The following SCTR variants were observed in gnomAD, a reference collection of about 807,000 sequenced individuals.
SCTR encodes secretin receptor, also known as pancreatic secretin receptor.
In SCTR, 56 loss-of-function variants were observed where a neutral mutation model predicts 60.8. The ratio of observed to expected loss-of-function variants is 0.92; its 90% confidence interval spans 0.74 to 1.15. SCTR has a LOEUF of 1.15. Among genes scored for constraint, SCTR ranks in the 50% most tolerant of loss-of-function variants. The pLI is 0.00. For synonymous variants in SCTR, 202 were observed against 217.0 expected, an observed-to-expected ratio of 0.93 and a Z score of 0.61; for missense variants, 562 against 550.4, an observed-to-expected ratio of 1.02 and a Z score of -0.21.
chr2:119,460,219 G>A (rs779815660), intron 7 of SCTR, among the ~76,000 whole-genome samples: 4 of 151,916 alleles, frequency 2.6e-5, no homozygotes, highest in Non-Finnish European at 5.9e-5. Flanking sequence ...GGGCATTCCT[G>A]GCAGGGACAC....
chr2:119,451,847 A>G (rs1014490411), intron 9 of SCTR, among the ~76,000 whole-genome samples, 163 bp downstream of exon 9: 1 of 152,186 alleles, frequency 6.6e-6, no homozygotes, highest in African/African-American at 2.4e-5. Flanking sequence ...TGCAGGGGGC[A>G]GAGCTTCCAC....
chr2:119,440,785 A>G (rs770145153), intron 12 of SCTR, among the ~76,000 whole-genome samples: 2 of 152,224 alleles, frequency 1.3e-5, no homozygotes, highest in African/African-American at 2.4e-5. Context: ...GAAGCCACCC[A>G]AGCTCAGAAC....
Position 119,453,338 on chromosome 2 carries a change from G to T in SCTR, c.800C>A (p.Ala267Asp). The part of the protein sequence containing the change: ...GFVAFGWGSP[A>D]IFVALWAIAR... Reference sequence around the variant, plus strand: ...AATAGCCCACAAAGCAACAAAAATGGCTGGAGAACCTGAGGATTAAAAACA... The same window carrying T: ...AATAGCCCACAAAGCAACAAAAATGTCTGGAGAACCTGAGGATTAAAAACA... The change falls in exon 8 of 13, where the codon GCC becomes GAC. Residue 267 changes from alanine to aspartate, a missense_variant. Physicochemically the swap from Ala to Asp is moderately radical, Grantham distance 126 (BLOSUM62 -2). Coordinates refer to ENST00000019103, the MANE Select transcript of SCTR (RefSeq NM_002980.3). The T allele has an allele frequency of 6.2e-7, 1 of 1,613,400 alleles. No individual in the cohort carries two copies. The highest frequency in any genetic ancestry group is 8.5e-7 in the Non-Finnish European group (1 of 1,179,346).
At chr2:119,481,086 C>G (rs1018304904) in intron 2 of SCTR, among the ~76,000 whole-genome samples, 8 of 152,226 alleles carry the variant, frequency 5.3e-5, no homozygotes, top group African/African-American at 1.9e-4. Flanking sequence ...TTCCCGCTGG[C>G]CTCCCCAGGC....
chr2:119,444,306 A>AATATATACACATATATACATATGAAT (rs1558830947), intron 11 of SCTR, among the ~76,000 whole-genome samples: 2 of 12,236 alleles, frequency 1.6e-4, no homozygotes, highest in Non-Finnish European at 4.7e-4. Flanking sequence ...TATACGTATG[A>AATATATACACATATATACATATGAAT]ATATATACAC....
At chr2:119,473,603 G>A in intron 3 of SCTR, 47 bp from the exon 4 acceptor site, 1 of 1,155,478 alleles carries the variant, frequency 8.7e-7, no homozygotes, top group Non-Finnish European at 1.3e-6. Context: ...CCCAGGCACT[G>A]TGATTTTCAT....
chr2:119,487,640 T>C (rs538052732), intron 2 of SCTR, among the ~76,000 whole-genome samples: 57 of 152,344 alleles, frequency 3.7e-4, no homozygotes, highest in Middle Eastern at 6.8e-3. Context: ...TTGGCCTCTG[T>C]AAACAAAGTA....
chr2:119,471,382 G>A (rs1021356923), intron 4 of SCTR, among the ~76,000 whole-genome samples: 4 of 152,076 alleles, frequency 2.6e-5, no homozygotes, highest in African/African-American at 7.2e-5. Flanking sequence ...CCAAGACCAC[G>A]AGTGCTCACT....
intron 1 of SCTR, among the ~76,000 whole-genome samples, chr2:119,500,271 A>ATGGGATGAAT (rs1386701653): frequency 6.6e-6 from 1 of 152,158 alleles, no homozygotes; most frequent in Non-Finnish European, 1.5e-5. Context: ...TATACTGCTG[A>ATGGGATGAAT]TGGGATGAAT....
chr2:119,461,614 G>A (rs563385799), intron 7 of SCTR, among the ~76,000 whole-genome samples: 31 of 151,798 alleles, frequency 2.0e-4, no homozygotes, highest in African/African-American at 7.0e-4. Flanking sequence ...GGGAAGCTGA[G>A]GTAGGAGAAT....
At chr2:119,502,873 T>G (rs1678598806) in intron 1 of SCTR, among the ~76,000 whole-genome samples, 1 of 150,062 alleles carries the variant, frequency 6.7e-6, no homozygotes, top group Non-Finnish European at 1.5e-5. Flanking sequence ...CTGGGCATGG[T>G]GGCTCACACC....
chr2:119,514,870 C>T (rs1046995505), intron 1 of SCTR, among the ~76,000 whole-genome samples: 1 of 152,046 alleles, frequency 6.6e-6, no homozygotes, highest in African/African-American at 2.4e-5. Context: ...GAGCTAGACT[C>T]TGTCTCAAAA....
intron 2 of SCTR, 74 bp from the exon 3 acceptor site, chr2:119,478,992 C>T (rs770941804): frequency 2.0e-5 from 32 of 1,588,160 alleles, no homozygotes; most frequent in Admixed American, 5.2e-5. Flanking sequence ...TCCACATCAC[C>T]GACACCCTTG....
intron 1 of SCTR, among the ~76,000 whole-genome samples, chr2:119,513,255 G>T (rs918601421): frequency 1.3e-5 from 2 of 152,176 alleles, no homozygotes; most frequent in Non-Finnish European, 1.5e-5. Flanking sequence ...GGAAATTTCT[G>T]CTTCATCTCT....
intron 2 of SCTR, among the ~76,000 whole-genome samples, chr2:119,481,290 T>C (rs1677589485): frequency 6.6e-6 from 1 of 152,184 alleles, no homozygotes; most frequent in Non-Finnish European, 1.5e-5. Flanking sequence ...AAAGCATCCA[T>C]AGTGTCCTTG....
chr2:119,460,752 C>T (rs1179278576), intron 7 of SCTR, among the ~76,000 whole-genome samples: 10 of 152,176 alleles, frequency 6.6e-5, no homozygotes, highest in African/African-American at 2.2e-4. Context: ...AATGGGGGCC[C>T]GCACTTGGCT....
At chr2:119,469,684 G>T (rs911075971) in intron 4 of SCTR, among the ~76,000 whole-genome samples, 1 of 152,042 alleles carries the variant, frequency 6.6e-6, no homozygotes, top group African/African-American at 2.4e-5. Flanking sequence ...GTAGAGATAG[G>T]GTCTCCCTAT....
intron 1 of SCTR, among the ~76,000 whole-genome samples, chr2:119,497,585 A>AAAAGG (rs990410437): frequency 6.6e-6 from 1 of 152,128 alleles, no homozygotes; most frequent in South Asian, 2.1e-4. Context: ...AACATCAGCA[A>AAAAGG]AAAGGAAAGG....
At chr2:119,463,089 C>T (rs563456407) in intron 6 of SCTR, among the ~76,000 whole-genome samples, 1 of 150,146 alleles carries the variant, frequency 6.7e-6, no homozygotes, top group African/African-American at 2.5e-5. Flanking sequence ...ACACACACAA[C>T]TCTGAACAAT....
Sources: gnomAD v4.1 joint callset for allele counts (sites outside exome capture counted in the v4.1 genomes callset) on GRCh38, gnomAD v4.1.1 for gene constraint, MANE v1.5 for transcripts, NCBI Gene and HGNC (gene_info 2026-07-23, HGNC 2026-07-21) for gene names.